Variants in DPP10 observed in about 807,000 individuals in gnomAD.
DPP10 encodes the protein inactive dipeptidyl peptidase 10.
In DPP10, 33 loss-of-function variants were observed where a neutral mutation model predicts 120.9. The observed-to-expected ratio is 0.27, with a 90% CI of 0.21 to 0.37. The LOEUF (loss-of-function observed/expected upper bound fraction) is 0.37. DPP10 is among the 10% of genes least tolerant of loss of function. The pLI is 1.00. For missense variants in DPP10, 816 were observed against 942.8 expected (o/e 0.87, Z 1.76); for synonymous variants, 337 against 326.1 (o/e 1.03, Z -0.36).
chr2:114,703,965 A>C (rs1449979848), intron 1 of DPP10, among the ~76,000 whole-genome samples: 2 of 152,020 alleles, frequency 1.3e-5, no homozygotes. Flanking sequence ...CAAAGAAGGG[A>C]TTTGGGCCTT....
chr2:115,618,637 T>C (rs979297872), intron 5 of DPP10, among the ~76,000 whole-genome samples: 1 of 152,016 alleles, frequency 6.6e-6, no homozygotes, highest in African/African-American at 2.4e-5. Flanking sequence ...GTTTCTGGTT[T>C]ATCTACACAT....
Position 114,708,820 on chromosome 2 carries a change from A to G in DPP10, c.60+265982A>G, listed in dbSNP as rs534410950. Among the ~76,000 whole-genome samples, 3 of 152,226 alleles carry G rather than the reference A, an allele frequency of 2.0e-5. No homozygotes were observed. The East Asian group carries it at 5.8e-4, about 29-fold the overall frequency. ...GCCCAGGCTAGAGTACAGTGGCACAATCTTGGCTCATTGCAACCTCTGACT... is the reference window on the plus strand; with the variant it reads ...GCCCAGGCTAGAGTACAGTGGCACAGTCTTGGCTCATTGCAACCTCTGACT... On this transcript the variant is annotated intron_variant, in intron 1 of 25. Transcript: ENST00000410059.
rs868708336 is a variant in DPP10 at position 114,981,085 on chromosome 2, C to T, written c.61-328154C>T. ...TACTATTGATAGGAGAGTAAATTGG[C>T]CCAGTCATTTCAGAGGGCAATTTGA... On this transcript the variant is annotated intron_variant, in intron 1 of 25. Transcript: ENST00000410059. Among the ~76,000 whole-genome samples, 25 of 150,608 alleles carry T rather than the reference C, an allele frequency of 1.7e-4. No individual in the cohort carries two copies. In the Middle Eastern group the frequency reaches 0.014, roughly 83 times the overall value.
At chr2:115,497,810 G>T (rs932170641) in intron 3 of DPP10, among the ~76,000 whole-genome samples, 1 of 151,992 alleles carries the variant, frequency 6.6e-6, no homozygotes, top group Non-Finnish European at 1.5e-5. Context: ...TGGTGTTGCT[G>T]TTGAGACATG....
intron 12 of DPP10, among the ~76,000 whole-genome samples, chr2:115,766,614 A>AT (rs1680797013): frequency 6.6e-6 from 1 of 152,064 alleles, no homozygotes; most frequent in East Asian, 1.9e-4. Flanking sequence ...GTATTAGTCC[A>AT]TTCTTGTACT....
intron 1 of DPP10, among the ~76,000 whole-genome samples, chr2:115,272,201 A>G (rs932710165): frequency 6.6e-6 from 1 of 152,226 alleles, no homozygotes; most frequent in Non-Finnish European, 1.5e-5. Flanking sequence ...GAAACTGATC[A>G]ACCTCAGCAT....
chr2:114,584,221 G>A (rs1690764494), intron 1 of DPP10, among the ~76,000 whole-genome samples: 1 of 152,068 alleles, frequency 6.6e-6, no homozygotes. Flanking sequence ...GTATATGTGT[G>A]CATGTATGTG....
At chr2:115,361,500 C>G (rs2064763806) in intron 3 of DPP10, among the ~76,000 whole-genome samples, 1 of 152,028 alleles carries the variant, frequency 6.6e-6, no homozygotes, top group African/African-American at 2.4e-5. Context: ...GCCCCTTTCC[C>G]ATGGGAAAAA....
intron 1 of DPP10, among the ~76,000 whole-genome samples, chr2:114,507,817 A>G (rs13398099): frequency 0.04 from 6,032 of 152,276 alleles, 399 homozygotes; most frequent in African/African-American, 0.14. Flanking sequence ...GGGTTGCTAT[A>G]AGAATTAAAT....
At chr2:115,334,525 T>G (rs61145663) in intron 2 of DPP10, among the ~76,000 whole-genome samples, 3,445 of 151,944 alleles carry the variant, frequency 0.023, 119 homozygotes, top group African/African-American at 0.079. Context: ...ACTTATAAAG[T>G]CAACATAGTT....
intron 1 of DPP10, among the ~76,000 whole-genome samples, chr2:115,014,556 G>A (rs1483898804): frequency 6.6e-6 from 1 of 152,060 alleles, no homozygotes; most frequent in East Asian, 1.9e-4. Flanking sequence ...GAATCCAGGA[G>A]CTGGTTTTTA....
At chr2:115,697,451 C>T (rs577455723) in intron 7 of DPP10, among the ~76,000 whole-genome samples, 42 of 151,688 alleles carry the variant, frequency 2.8e-4, no homozygotes, top group South Asian at 6.3e-4. Context: ...TAAAAATAGG[C>T]GTTAAATCAT....
chr2:114,831,127 T>A (rs1290328373), intron 1 of DPP10, among the ~76,000 whole-genome samples: 1 of 150,672 alleles, frequency 6.6e-6, no homozygotes, highest in Admixed American at 6.7e-5. Flanking sequence ...AAGACTTTTT[T>A]ATTTGGTAGT....
chr2:114,683,603 T>G (rs201258156), intron 1 of DPP10, among the ~76,000 whole-genome samples: 2 of 150,514 alleles, frequency 1.3e-5, no homozygotes, highest in Non-Finnish European at 3.0e-5. Context: ...TTTCTTTCTT[T>G]CTTGCTTGCT....
intron 1 of DPP10, among the ~76,000 whole-genome samples, chr2:115,210,128 G>C (rs1019503234): frequency 1.3e-5 from 2 of 151,940 alleles, no homozygotes; most frequent in African/African-American, 2.4e-5. Flanking sequence ...CCATTAACTC[G>C]TCATTTACAT....
chr2:115,112,941 A>G (rs1388135207), intron 1 of DPP10, among the ~76,000 whole-genome samples: 1 of 152,052 alleles, frequency 6.6e-6, no homozygotes, highest in Non-Finnish European at 1.5e-5. Flanking sequence ...TTTCGTTCAC[A>G]TTTGGTTCAT....
intron 1 of DPP10, among the ~76,000 whole-genome samples, chr2:114,964,546 A>T (rs961350744): frequency 3.3e-5 from 5 of 152,106 alleles, no homozygotes; most frequent in Non-Finnish European, 7.4e-5. Context: ...GACATGAAAG[A>T]ATGAATCATG....
intron 5 of DPP10, chr2:115,579,899 G>A (rs1195741705): frequency 1.3e-5 from 2 of 152,048 alleles, no homozygotes; most frequent in East Asian, 1.9e-4. Context: ...ATAGTGTTTC[G>A]CTGCACCTAT....
chr2:114,989,374 T>C (rs1398535004), intron 1 of DPP10, among the ~76,000 whole-genome samples: 1 of 152,054 alleles, frequency 6.6e-6, no homozygotes, highest in Non-Finnish European at 1.5e-5. Flanking sequence ...GGATGAATAG[T>C]AGGATGTCCA....
Sources: allele counts gnomAD v4.1 joint callset (sites outside exome capture counted in the v4.1 genomes callset), GRCh38; gene constraint gnomAD v4.1.1; transcripts MANE v1.5; gene names NCBI Gene and HGNC (gene_info 2026-07-23, HGNC 2026-07-21).